The following SH3PXD2A variants were observed in gnomAD, a reference collection of about 807,000 sequenced individuals.
The protein encoded by SH3PXD2A is SH3 and PX domain-containing protein 2A.
A neutral mutation model predicts 115.2 loss-of-function variants in SH3PXD2A; 32 were observed. The ratio of observed to expected loss-of-function variants is 0.28; its 90% CI spans 0.21 to 0.37. SH3PXD2A has a LOEUF of 0.37. SH3PXD2A is among the 10% of genes least tolerant of loss of function. The pLI is 1.00. For missense variants in SH3PXD2A, 1,328 were observed against 1,498.7 expected, an observed-to-expected ratio of 0.89 and a Z score of 1.88; for synonymous variants, 610 against 629.1, an observed-to-expected ratio of 0.97 and a Z score of 0.45.
intron 1 of SH3PXD2A, among the ~76,000 whole-genome samples, chr10:103,811,643 T>A (rs1451100271): frequency 6.6e-6 from 1 of 152,096 alleles, no homozygotes. Flanking sequence ...CAAGACAGAG[T>A]CCCTGCCACA....
In SH3PXD2A at chr10:103,627,391, G is replaced by C. The variant is rs368250372; in HGVS notation, c.605-189C>G. Reference sequence around the variant, plus strand: ...CCTGCGTCTGTTCTAAGGCAGAAACGACCAGCACACTTCCCGAGAAGTGGG... The same window carrying C: ...CCTGCGTCTGTTCTAAGGCAGAAACCACCAGCACACTTCCCGAGAAGTGGG... On this transcript the variant is annotated intron_variant, in intron 8 of 14. Transcript: ENST00000369774. The surrounding 1 kb of genome is among the most constrained non-coding windows in gnomAD (Gnocchi z 4.4). Among the ~76,000 whole-genome samples, 1 of 152,330 alleles carries C rather than the reference G, an allele frequency of 6.6e-6. No individual in the cohort carries two copies. The highest frequency in any genetic ancestry group is 2.4e-5 in the African/African-American group (1 of 41,568).
intron 8 of SH3PXD2A, among the ~76,000 whole-genome samples, chr10:103,631,557 A>T (rs2036779989): frequency 6.6e-6 from 1 of 152,196 alleles, no homozygotes; most frequent in African/African-American, 2.4e-5. Flanking sequence ...CCTAACAATC[A>T]CTAAGGATCA....
At chr10:103,828,852 G>A (rs2039458742) in intron 1 of SH3PXD2A, among the ~76,000 whole-genome samples, 1 of 152,200 alleles carries the variant, frequency 6.6e-6, no homozygotes, top group African/African-American at 2.4e-5. Context: ...TTGCTTGGGT[G>A]AGCCACGATA....
intron 1 of SH3PXD2A, among the ~76,000 whole-genome samples, chr10:103,822,993 G>A (rs1474296544): frequency 1.3e-5 from 2 of 152,162 alleles, no homozygotes; most frequent in African/African-American, 2.4e-5. Context: ...CTCAGACTTC[G>A]TGGGAGGGAG....
intron 2 of SH3PXD2A, among the ~76,000 whole-genome samples, chr10:103,771,737 C>G (rs1255386014): frequency 9.0e-6 from 1 of 110,988 alleles, no homozygotes; most frequent in African/African-American, 3.8e-5. Flanking sequence ...TCCGTCAAAA[C>G]AACACACACA....
chr10:103,774,471 T>A (rs2038859851), intron 2 of SH3PXD2A, among the ~76,000 whole-genome samples: 2 of 152,228 alleles, frequency 1.3e-5, no homozygotes, highest in Admixed American at 1.3e-4. Flanking sequence ...TTTCCTTTAG[T>A]TATTTAACTG....
Position 103,602,761 on chromosome 10 carries a change from T to C in SH3PXD2A, c.2457A>G (p.Ser819=), listed in dbSNP as rs756826288. The stretch of plus-strand genomic sequence containing the variant: ...TGGCTGGGAGGGTGATGAGGTCGGA[T>C]GAGCTTCTCCTAGACCCCTCACTGG... ...EAPSEGSRRS[S]SDLITLPATT... Residue 819 remains serine, a synonymous_variant, in exon 15 of 15, where the codon TCA becomes TCG. Coordinates refer to ENST00000369774, the MANE Select transcript of SH3PXD2A (RefSeq NM_001394015.1). 1.2e-6 allele frequency: 2 copies of C among 1,613,662 alleles called. No homozygotes were observed. Among genetic ancestry groups the C allele is most frequent in the South Asian group, 2.2e-5 (2 of 91,052 alleles).
intron 2 of SH3PXD2A, among the ~76,000 whole-genome samples, chr10:103,795,940 A>C (rs976588040): frequency 1.3e-5 from 2 of 149,994 alleles, no homozygotes; most frequent in African/African-American, 2.5e-5. Flanking sequence ...GGCAGGAAGG[A>C]AGGAAGGAAG....
chr10:103,803,745 G>A (rs929374276), intron 1 of SH3PXD2A, among the ~76,000 whole-genome samples: 1 of 152,190 alleles, frequency 6.6e-6, no homozygotes, highest in African/African-American at 2.4e-5. Context: ...TCTGAAACAA[G>A]TCTCAATCAG....
chr10:103,815,484 TAC>T (rs1171710097), intron 1 of SH3PXD2A, among the ~76,000 whole-genome samples: 7 of 148,872 alleles, frequency 4.7e-5, no homozygotes, highest in Non-Finnish European at 7.4e-5. Context: ...ATATATAATA[TAC>T]ACACACACAC....
intron 6 of SH3PXD2A, among the ~76,000 whole-genome samples, chr10:103,682,575 GT>G (rs1379019578): frequency 4.6e-5 from 7 of 152,184 alleles, no homozygotes; most frequent in Non-Finnish European, 1.0e-4. Flanking sequence ...GGCCAACATG[GT>G]GAAATCCCAT....
At chr10:103,727,361 AAG>A (rs1198326013) in intron 4 of SH3PXD2A, among the ~76,000 whole-genome samples, 1 of 152,156 alleles carries the variant, frequency 6.6e-6, no homozygotes, top group Non-Finnish European at 1.5e-5. Flanking sequence ...AAACTGAGGA[AAG>A]AGAGAGACAG....
intron 5 of SH3PXD2A, among the ~76,000 whole-genome samples, chr10:103,694,999 G>T (rs576121393): frequency 2.0e-5 from 3 of 152,336 alleles, no homozygotes; most frequent in African/African-American, 7.2e-5. Flanking sequence ...AGGAGGAGGA[G>T]AGTATTAGAT....
intron 5 of SH3PXD2A, among the ~76,000 whole-genome samples, chr10:103,721,150 A>G (rs376336705): frequency 8.5e-5 from 13 of 152,334 alleles, no homozygotes; most frequent in African/African-American, 2.9e-4. Flanking sequence ...ACGTGCACAC[A>G]TTCCATTCTG....
chr10:103,781,044 C>T (rs1456139181), intron 2 of SH3PXD2A, among the ~76,000 whole-genome samples: 1 of 152,214 alleles, frequency 6.6e-6, no homozygotes, highest in Non-Finnish European at 1.5e-5. Context: ...CTCCCTCCTC[C>T]CCATCACTCC....
chr10:103,695,195 C>A (rs2134134736), intron 5 of SH3PXD2A, among the ~76,000 whole-genome samples: 1 of 152,244 alleles, frequency 6.6e-6, no homozygotes, highest in South Asian at 2.1e-4. Context: ...CACTGACCAT[C>A]CCCCTGGCTG....
intron 1 of SH3PXD2A, among the ~76,000 whole-genome samples, chr10:103,804,026 G>A (rs1404846651): frequency 6.6e-6 from 1 of 152,158 alleles, no homozygotes; most frequent in Non-Finnish European, 1.5e-5. Flanking sequence ...CCATTAGAAA[G>A]GAGTGTCTGG....
chr10:103,621,016 G>T (rs1218581289), intron 10 of SH3PXD2A, among the ~76,000 whole-genome samples: 1 of 152,172 alleles, frequency 6.6e-6, no homozygotes, highest in Non-Finnish European at 1.5e-5. Context: ...CACGGTGTAT[G>T]CGTGGCTGCA....
At chr10:103,722,502 G>A (rs1196382150) in intron 5 of SH3PXD2A, among the ~76,000 whole-genome samples, 1 of 151,622 alleles carries the variant, frequency 6.6e-6, no homozygotes, top group Non-Finnish European at 1.5e-5. Flanking sequence ...AGGTCTCACT[G>A]TGTTGCCAGG....
Sources: gnomAD v4.1 joint callset for allele counts (sites outside exome capture counted in the v4.1 genomes callset) on GRCh38, gnomAD v4.1.1 for gene constraint, Gnocchi (gnomAD v3.1) non-coding constraint, MANE v1.5 for transcripts, NCBI Gene and HGNC (gene_info 2026-07-23, HGNC 2026-07-21) for gene names.